Variants in CLCN3 observed in about 807,000 individuals in gnomAD.
CLCN3 encodes H(+)/Cl(-) exchange transporter 3.
A neutral mutation model predicts 83.4 loss-of-function variants in CLCN3; 16 were observed. The ratio of observed to expected loss-of-function variants is 0.19; its 90% CI spans 0.13 to 0.29. CLCN3 has a LOEUF of 0.29. CLCN3 is among the 10% of genes least tolerant of loss of function. CLCN3 has a pLI of 1.00. For synonymous variants in CLCN3, 322 were observed against 346.2 expected (o/e 0.93, Z 0.78); for missense variants, 544 against 1,006.0 (o/e 0.54, Z 6.21).
At chr4:169,708,000 A>G (rs1009429166) in intron 11 of CLCN3, among the ~76,000 whole-genome samples, 15 of 152,060 alleles carry the variant, frequency 9.9e-5, no homozygotes, top group African/African-American at 3.6e-4. Context: ...TATTTTTTTG[A>G]CACAATCTTA....
chr4:169,709,246 C>G (rs1010629495), intron 11 of CLCN3, among the ~76,000 whole-genome samples: 1 of 150,966 alleles, frequency 6.6e-6, no homozygotes, highest in Non-Finnish European at 1.5e-5. Flanking sequence ...TCCATGCTGT[C>G]TCATAAAATA....
chr4:169,665,982 T>TG (rs1731230624), intron 2 of CLCN3, among the ~76,000 whole-genome samples: 2 of 149,502 alleles, frequency 1.3e-5, no homozygotes, highest in Middle Eastern at 3.5e-3. Flanking sequence ...GTTGTGTTGT[T>TG]TTTTTTTTTT....
intron 2 of CLCN3, among the ~76,000 whole-genome samples, chr4:169,673,699 C>A (rs1731566564): frequency 6.6e-6 from 1 of 152,070 alleles, no homozygotes; most frequent in South Asian, 2.1e-4. Flanking sequence ...AAAGTAACTT[C>A]AGACTTACAG....
intron 2 of CLCN3, among the ~76,000 whole-genome samples, chr4:169,665,197 C>A (rs1731199671): frequency 6.6e-6 from 1 of 152,180 alleles, no homozygotes; most frequent in South Asian, 2.1e-4. Context: ...TCCACCTTAT[C>A]ATCTCTAACT....
intron 2 of CLCN3, among the ~76,000 whole-genome samples, chr4:169,653,134 T>TA (rs1730774175): frequency 1.3e-5 from 2 of 152,164 alleles, no homozygotes; most frequent in Admixed American, 1.3e-4. Flanking sequence ...GTCTTAATTT[T>TA]AAAAAACGTC....
chr4:169,707,152 G>A lies in CLCN3; in HGVS notation c.2035G>A (p.Asp679Asn). The change falls in exon 11 of 13, where the codon GAT (aspartate) becomes AAT (asparagine). Residue 679 changes from aspartate to asparagine, a missense_variant. Physicochemically the swap from Asp to Asn is conservative, Grantham distance 23. Transcript: ENST00000513761. ...GACACAGGACAATATGACAGTGGAT[G>A]ATATAGAAAACATGATTAATGAAAC... Reference protein sequence around the residue: ...VLTQDNMTVDDIENMINETSY... With the variant: ...VLTQDNMTVDNIENMINETSY... The A allele has an allele frequency of 1.2e-6, 2 of 1,614,054 alleles. No homozygotes were observed. The highest frequency in any genetic ancestry group is 1.1e-5 in the South Asian group (1 of 91,068).
In CLCN3 at chr4:169,680,153, C is replaced by T. The variant is rs1416468764; in HGVS notation, c.264C>T (p.Phe88=). ...PIPGVGTYDD[F]HTIDWVREKC... ...CAGGTGTTGGTACATATGATGATTT[C>T]CATACTATTGATTGGGTGCGAGAAA... The change falls in exon 3 of 13, where the codon TTC becomes TTT. Residue 88 remains phenylalanine (F), a synonymous_variant. Coordinates refer to ENST00000513761, the MANE Select transcript of CLCN3 (RefSeq NM_001829.4). 16 of 1,613,546 alleles carry T rather than the reference C, an allele frequency of 9.9e-6. 1 individual carries two copies. In the South Asian group the frequency reaches 1.6e-4, roughly 17 times the overall value.
intron 3 of CLCN3, among the ~76,000 whole-genome samples, chr4:169,683,540 G>T (rs1281595255): frequency 4.6e-5 from 7 of 152,082 alleles, no homozygotes; most frequent in Non-Finnish European, 8.8e-5. Flanking sequence ...GTATGTAAAT[G>T]GTTAGTGTAC....
At chr4:169,647,821 A>C (rs1029876804) in intron 2 of CLCN3, among the ~76,000 whole-genome samples, 1 of 152,220 alleles carries the variant, frequency 6.6e-6, no homozygotes, top group African/African-American at 2.4e-5. Flanking sequence ...GACTGGACTT[A>C]GTGACTTACT....
intron 1 of CLCN3, among the ~76,000 whole-genome samples, chr4:169,633,294 C>T (rs1048519288): frequency 1.3e-5 from 2 of 152,090 alleles, no homozygotes; most frequent in Non-Finnish European, 1.5e-5. Context: ...TACAGGCATG[C>T]GCCACCACAC....
chr4:169,679,764 C>T (rs1329892863), intron 2 of CLCN3, among the ~76,000 whole-genome samples: 3 of 152,260 alleles, frequency 2.0e-5, no homozygotes, highest in South Asian at 4.1e-4. Flanking sequence ...GCGGCGCGTG[C>T]CTGCAATCCC....
intron 1 of CLCN3, among the ~76,000 whole-genome samples, chr4:169,630,915 A>G (rs974758440): frequency 2.6e-5 from 4 of 152,238 alleles, no homozygotes; most frequent in African/African-American, 9.6e-5. Context: ...TGCTGTGATG[A>G]ACATATAAGC....
At chr4:169,673,387 T>C (rs1298673991) in intron 2 of CLCN3, among the ~76,000 whole-genome samples, 10 of 152,208 alleles carry the variant, frequency 6.6e-5, no homozygotes, top group Non-Finnish European at 1.3e-4. Context: ...ACTGTACCTT[T>C]TTCTACCTCA....
intron 2 of CLCN3, among the ~76,000 whole-genome samples, chr4:169,669,672 A>G (rs992173264): frequency 6.6e-6 from 1 of 152,176 alleles, no homozygotes; most frequent in African/African-American, 2.4e-5. Flanking sequence ...AGAAAATATA[A>G]AAGGCTGAAG....
chr4:169,668,046 T>TG (rs1356954565), intron 2 of CLCN3, among the ~76,000 whole-genome samples: 20,588 of 142,092 alleles, frequency 0.14, 1,662 homozygotes, highest in South Asian at 0.26. Flanking sequence ...GCCAGACATT[T>TG]TTTTTTTTTT....
intron 2 of CLCN3, among the ~76,000 whole-genome samples, chr4:169,665,836 C>G (rs1321671114): frequency 1.3e-5 from 2 of 152,078 alleles, no homozygotes; most frequent in Non-Finnish European, 2.9e-5. Flanking sequence ...ATAAGTAACT[C>G]TTTTTAAATA....
chr4:169,710,739 TGTTA>T (rs1435511048), intron 11 of CLCN3, among the ~76,000 whole-genome samples: 7 of 152,258 alleles, frequency 4.6e-5, no homozygotes, highest in African/African-American at 1.7e-4. Flanking sequence ...ATACAGTGTT[TGTTA>T]TTTTGTCGGT....
intron 4 of CLCN3, among the ~76,000 whole-genome samples, 182 bp downstream of exon 4, chr4:169,687,939 T>C (rs1195369497): frequency 6.6e-6 from 1 of 152,250 alleles, no homozygotes; most frequent in Admixed American, 6.5e-5. Context: ...GTCTTGGCTC[T>C]ATCACTTTAC....
chr4:169,636,116 T>C, intron 2 of CLCN3, 28 bp downstream of exon 2: 1 of 1,582,866 alleles, frequency 6.3e-7, no homozygotes, highest in Non-Finnish European at 8.6e-7. Context: ...GCCTAATGTT[T>C]GTATTCATGA....
Sources: gnomAD v4.1 joint callset for allele counts (sites outside exome capture counted in the v4.1 genomes callset) on GRCh38, gnomAD v4.1.1 for gene constraint, MANE v1.5 for transcripts, NCBI Gene and HGNC (gene_info 2026-07-23, HGNC 2026-07-21) for gene names.